The following ADAM33 variants were observed in gnomAD, a reference collection of about 807,000 sequenced individuals.
ADAM33 encodes ADAM metallopeptidase domain 33.
ADAM33 carries 103 observed loss-of-function variants against 106.2 expected under a neutral mutation model. The ratio of observed to expected loss-of-function variants is 0.97; its 90% CI spans 0.83 to 1.14. ADAM33 has a LOEUF of 1.14. ADAM33 is among the 50% of genes most tolerant of loss of function. The pLI, the probability that ADAM33 is intolerant of heterozygous loss-of-function variation, is 0.00. For missense variants in ADAM33, 1,120 were observed against 1,096.6 expected (o/e 1.02, Z -0.30); for synonymous variants, 483 against 453.0 (o/e 1.07, Z -0.84).
chr20:3,668,806 T>C lies in ADAM33; in HGVS notation c.*157A>G. ...CTAATGTGGCTCTGGGTTCCTGGAG[T>C]GGGTGGGTCGAAGCTCCACTCGGGG... On this transcript the variant is annotated 3_prime_UTR_variant, in exon 22 of 22. Coordinates refer to ENST00000356518, the MANE Select transcript of ADAM33 (RefSeq NM_025220.5). 1 of 831,364 alleles carries C rather than the reference T, an allele frequency of 1.2e-6. No homozygotes were observed. The highest frequency in any genetic ancestry group is 1.4e-5 in the South Asian group (1 of 69,532). The allele number at this position is 831,364 out of a possible 1,614,324, so 51.5% of individuals were successfully genotyped here. A position where few individuals can be genotyped will look rare whatever the true frequency, so the allele number is the denominator to read the frequency against.
intron 3 of ADAM33, among the ~76,000 whole-genome samples, chr20:3,676,839 A>G (rs2088008095): frequency 1.3e-5 from 2 of 152,204 alleles, no homozygotes; most frequent in Non-Finnish European, 2.9e-5. Flanking sequence ...GGGAGCTAAC[A>G]AGCCGCTCCT....
rs1447081572 is a variant in ADAM33, at chr20:3,674,142, A to C, written c.667-7T>G. ...TTCGGTGCCGAGTCAAGAACTGGGAAGGCAGAAATCCCGGTGGCTTGAGGG... is the reference window on the plus strand; with the variant it reads ...TTCGGTGCCGAGTCAAGAACTGGGACGGCAGAAATCCCGGTGGCTTGAGGG... On this transcript the variant is annotated splice_polypyrimidine_tract_variant and splice_region_variant and intron_variant, in intron 7 of 21. Transcript: ENST00000356518. 1.2e-6 allele frequency: 2 copies of C among 1,614,080 alleles called. No homozygotes were observed. Among genetic ancestry groups the C allele is most frequent in the Non-Finnish European group, 1.7e-6 (2 of 1,180,036 alleles).
At position 3,672,701 on chromosome 20, in the gene ADAM33, G is replaced by A. The variant is rs2087625485; in HGVS notation, c.1311+20C>T. The A allele has an allele frequency of 2.5e-6, 4 of 1,586,988 alleles. No individual in the cohort carries two copies. Among genetic ancestry groups the A allele is most frequent in the Middle Eastern group, 1.7e-4 (1 of 5,720 alleles). On this transcript the variant is annotated intron_variant, in intron 12 of 21. Coordinates refer to ENST00000356518, the MANE Select transcript of ADAM33 (RefSeq NM_025220.5). ...ACCTGAGCGGAGAGGGCAAGTGGGG[G>A]CCGGGCGAGCCGACTTAACCTGGCC...
chr20:3,678,522 C>T (rs1277195133), intron 2 of ADAM33, among the ~76,000 whole-genome samples: 1 of 152,204 alleles, frequency 6.6e-6, no homozygotes, highest in Non-Finnish European at 1.5e-5. Context: ...GGAATGGGGG[C>T]CTTATGGGCC....
intron 3 of ADAM33, among the ~76,000 whole-genome samples, chr20:3,676,734 G>T (rs1475527733): frequency 3.3e-5 from 5 of 152,162 alleles, no homozygotes; most frequent in Non-Finnish European, 7.4e-5. Flanking sequence ...CATTCCCTTA[G>T]CCTGGGGTGC....
Position 3,674,500 on chromosome 20 carries a change from T to C in ADAM33, c.600+4A>G. 1 of 1,612,844 alleles carries C rather than the reference T, an allele frequency of 6.2e-7. No homozygotes were observed. The highest frequency in any genetic ancestry group is 2.2e-5 in the East Asian group (1 of 44,888). Reference sequence around the variant, plus strand: ...CCCACTCCCATCCGATCGATGCCCCTGACCCTGCTCTGGGGACCACCAGGA... The same window carrying C: ...CCCACTCCCATCCGATCGATGCCCCCGACCCTGCTCTGGGGACCACCAGGA... On this transcript the variant is annotated splice_donor_region_variant and intron_variant, in intron 6 of 21. Coordinates refer to ENST00000356518, the MANE Select transcript of ADAM33 (RefSeq NM_025220.5).
intron 14 of ADAM33, 72 bp from the exon 15 acceptor site, chr20:3,672,057 C>T: frequency 6.4e-7 from 1 of 1,566,882 alleles, no homozygotes; most frequent in South Asian, 1.2e-5. Context: ...GTTTCCCCTG[C>T]CCATCTTCCC....
chr20:3,672,545 G>A lies in ADAM33; in HGVS notation c.1393C>T (p.Arg465Cys). 2 of 1,613,232 alleles carry A rather than the reference G, an allele frequency of 1.2e-6. No individual in the cohort carries two copies. Among genetic ancestry groups the A allele is most frequent in the East Asian group, 2.2e-5 (1 of 44,870 alleles). The change falls in exon 13 of 22, where the codon CGC becomes TGC. Residue 465 changes from arginine (R) to cysteine (C), a missense_variant. Arg to Cys is a radical substitution (Grantham distance 180). Transcript: ENST00000356518. ...AQCAHGDCCV[R>C]CLLKPAGALC... Reference sequence around the variant, plus strand: ...ACCTTCCATGCCCTCACCAGGCAGCGCACGCAGCAGTCCCCGTGGGCGCAC... The same window carrying A: ...ACCTTCCATGCCCTCACCAGGCAGCACACGCAGCAGTCCCCGTGGGCGCAC...
Position 3,679,510 on chromosome 20 carries a change from G to A in ADAM33, c.159C>T (p.Thr53=), listed in dbSNP as rs755454908. The A allele has an allele frequency of 8.7e-6, 14 of 1,609,476 alleles. No homozygotes were observed. The highest frequency in any genetic ancestry group is 7.8e-5 in the South Asian group (7 of 89,934). ...CACTGACCGGCTCCTCCAGGCTGAC[G>A]GTGCGCCAGGGTTGTCCATCCAGGA... ...HWVLDGQPWR[T]VSLEEPVSKP... is the part of the protein sequence containing the mutation. Residue 53 remains threonine (T), a synonymous_variant, in exon 2 of 22, where the codon ACC becomes ACT. Transcript: ENST00000356518.
rs1338286170 is a variant in ADAM33, at chr20:3,671,611, T to C, written c.1875A>G (p.Val625=). 1.3e-6 allele frequency: 2 copies of C among 1,585,426 alleles called. No homozygotes were observed. Among genetic ancestry groups the C allele is most frequent in the East Asian group, 2.3e-5 (1 of 42,910 alleles). Residue 625 remains valine (V), a synonymous_variant, in exon 16 of 22, where the codon GTA becomes GTG. Coordinates refer to ENST00000356518, the MANE Select transcript of ADAM33 (RefSeq NM_025220.5). Reference sequence around the variant, plus strand: ...TAGGTCCACACTGGGTGCCTGGCTCTACCAGGCCCAGGCCAAGCAGGTCCA... The same window carrying C: ...TAGGTCCACACTGGGTGCCTGGCTCCACCAGGCCCAGGCCAAGCAGGTCCA... ...AQLDLLGLGL[V]EPGTQCGPRM...
chr20:3,677,114 G>A lies in ADAM33; in HGVS notation c.207C>T (p.Ala69=), dbSNP rs748742905. 6.2e-7 allele frequency: 1 copy of A among 1,611,476 alleles called. No homozygotes were observed. Among genetic ancestry groups the A allele is most frequent in the Non-Finnish European group, 8.5e-7 (1 of 1,178,896 alleles). Residue 69 remains alanine (A), a synonymous_variant, in exon 3 of 22, where the codon GCC becomes GCT. Coordinates refer to ENST00000356518, the MANE Select transcript of ADAM33 (RefSeq NM_025220.5). ...GGAGCTCCTGGCCTTCAGCCTCCAGGGCCACCAGCCCCATGTCTGGCTTCG... is the reference window on the plus strand; with the variant it reads ...GGAGCTCCTGGCCTTCAGCCTCCAGAGCCACCAGCCCCATGTCTGGCTTCG... ...PVSKPDMGLV[A]LEAEGQELLL...
Position 3,668,032 on chromosome 20 carries a change from GCAGTGGTGCCAC to G in ADAM33, c.*919_*930del, listed in dbSNP as rs1237970068. The stretch of plus-strand genomic sequence containing the variant: ...CTTGCTCTGTCACCCAGGCTGGAGT[GCAGTGGTGCCAC>G]CATAGCTCACTGCAGTGTTGAACTC... On this transcript the variant is annotated 3_prime_UTR_variant, in exon 22 of 22. Coordinates refer to ENST00000356518, the MANE Select transcript of ADAM33 (RefSeq NM_025220.5). The G allele has an allele frequency of 6.6e-6, 1 of 152,652 alleles. No individual in the cohort carries two copies. The highest frequency in any genetic ancestry group is 1.5e-5 in the Non-Finnish European group (1 of 68,358). 9.5% of individuals were successfully genotyped at this position (152,652 alleles called of 1,614,324 possible).
intron 2 of ADAM33, 118 bp downstream of exon 2, chr20:3,679,374 G>A (rs2146465300): frequency 9.8e-7 from 1 of 1,015,844 alleles, no homozygotes; most frequent in Non-Finnish European, 1.5e-6. Flanking sequence ...GGGCCTATAG[G>A]AGTAGTGACT....
chr20:3,669,868 G>A (rs2087416716), intron 19 of ADAM33: 1 of 621,420 alleles, frequency 1.6e-6, no homozygotes, highest in East Asian at 2.8e-5. Context: ...CCTCTCTCTA[G>A]TCCTAACATT....
intron 1 of ADAM33, among the ~76,000 whole-genome samples, chr20:3,681,038 C>G (rs2088448222): frequency 1.3e-5 from 2 of 152,164 alleles, no homozygotes; most frequent in South Asian, 4.1e-4. Context: ...GGGCCCTCCC[C>G]TGGGGCCAGA....
intron 1 of ADAM33, among the ~76,000 whole-genome samples, 165 bp from the exon 2 acceptor site, chr20:3,679,736 G>A (rs1484860727): frequency 2.6e-5 from 4 of 152,128 alleles, no homozygotes; most frequent in East Asian, 1.9e-4. Context: ...AAGGAGGGAC[G>A]CCCGTGGGCA....
rs772099817 is a variant in ADAM33 at position 3,681,862 on chromosome 20, C to A, written c.97+46G>T. The A allele has an allele frequency of 1.5e-5, 23 of 1,582,472 alleles. 1 individual carries two copies. In the South Asian group the frequency reaches 2.4e-4, roughly 17 times the overall value. On this transcript the variant is annotated intron_variant, in intron 1 of 21. Transcript: ENST00000356518. ...GCAGAACCCATCCCCGCCACCACCA[C>A]CGCGCCTAGCCTGCCCCTCAGGGCG...
At chr20:3,679,600 G>A (rs17513909) in intron 1 of ADAM33, 29 bp from the exon 2 acceptor site, 27,749 of 1,580,232 alleles carry the variant, frequency 0.018, 319 homozygotes, top group Non-Finnish European at 0.02. Flanking sequence ...ACAGGGTGAG[G>A]GGGACCTGAG....
Position 3,672,249 on chromosome 20 carries a change from G to A in ADAM33, c.1482C>T (p.His494=), listed in dbSNP as rs772161942. 2 of 1,613,440 alleles carry A rather than the reference G, an allele frequency of 1.2e-6. No individual in the cohort carries two copies. The highest frequency in any genetic ancestry group is 2.2e-5 in the East Asian group (1 of 44,884). ...CCAGTAGGTAAACGTCTGGGGGACA[G>A]TGGGAGGAGGTGCCCGTGCAAAACT... ...LPEFCTGTSS[H]CPPDVYLLDG... Residue 494 remains histidine, a synonymous_variant, in exon 14 of 22, where the codon CAC becomes CAT. Coordinates refer to ENST00000356518, the MANE Select transcript of ADAM33 (RefSeq NM_025220.5).
Sources: allele counts gnomAD v4.1 joint callset (sites outside exome capture counted in the v4.1 genomes callset), GRCh38; gene constraint gnomAD v4.1.1; transcripts MANE v1.5; gene names NCBI Gene and HGNC (gene_info 2026-07-23, HGNC 2026-07-21).